Variants in PPM1H observed in about 807,000 individuals in gnomAD.
PPM1H encodes protein phosphatase, Mg2+/Mn2+ dependent 1H.
In PPM1H, 27 loss-of-function variants were observed where a neutral mutation model predicts 54.9. That is an observed-to-expected ratio of 0.49 (90% confidence interval 0.36 to 0.68). PPM1H has a LOEUF of 0.68. Ranked by LOEUF, PPM1H falls within the 30% of genes least tolerant of loss-of-function variation. The probability of loss-of-function intolerance (pLI) is 0.00; values close to 1 mark genes in which losing one functional copy is unlikely to be tolerated. For missense variants in PPM1H, 596 were observed against 667.8 expected (o/e 0.89, Z 1.19); for synonymous variants, 305 against 270.8 (o/e 1.13, Z -1.24).
chr12:62,734,043 T>C (rs2076337882), intron 5 of PPM1H, among the ~76,000 whole-genome samples: 1 of 151,982 alleles, frequency 6.6e-6, no homozygotes, highest in Non-Finnish European at 1.5e-5. Flanking sequence ...GGGAAGTGAT[T>C]AGGTCATGAG....
intron 4 of PPM1H, among the ~76,000 whole-genome samples, chr12:62,756,638 C>T (rs115086852): frequency 0.014 from 2,108 of 151,692 alleles, 43 homozygotes; most frequent in African/African-American, 0.047. Context: ...GAGCTGGTGA[C>T]ATTTGGGAAT....
Position 62,661,431 on chromosome 12 carries a change from C to T in PPM1H, c.1397+5747G>A, listed in dbSNP as rs548516397. Among the ~76,000 whole-genome samples the T allele has an allele frequency of 4.3e-3, 659 of 152,304 alleles. 4 individuals are homozygous for T. Among genetic ancestry groups the T allele is most frequent in the Non-Finnish European group, 6.3e-3 (431 of 68,036 alleles). On this transcript the variant is annotated intron_variant, in intron 9 of 9. Coordinates refer to ENST00000228705, the MANE Select transcript of PPM1H (RefSeq NM_020700.2). ...TTTTTTATTTTTTGAGACAGGGTCT[C>T]GCTCTGTTGCCCAGGCTGGAGTGCA...
chr12:62,864,293 C>T (rs1207380230), intron 1 of PPM1H, among the ~76,000 whole-genome samples: 1 of 152,186 alleles, frequency 6.6e-6, no homozygotes. Flanking sequence ...TTGGGTATGG[C>T]ATTACTGTTG....
chr12:62,909,828 C>T (rs1459172449), intron 1 of PPM1H, among the ~76,000 whole-genome samples: 1 of 152,222 alleles, frequency 6.6e-6, no homozygotes, highest in Admixed American at 6.5e-5. Context: ...ATCACCTTCG[C>T]ACGTGGCAGT....
intron 4 of PPM1H, among the ~76,000 whole-genome samples, chr12:62,745,797 AAAGTAT>A (rs2076407034): frequency 6.6e-6 from 1 of 151,248 alleles, no homozygotes; most frequent in South Asian, 2.1e-4. Context: ...ATTCAAAATA[AAAGTAT>A]AAGAAGAGGT....
At chr12:62,779,774 C>A (rs1246721649) in intron 4 of PPM1H, among the ~76,000 whole-genome samples, 3 of 152,214 alleles carry the variant, frequency 2.0e-5, no homozygotes, top group Non-Finnish European at 4.4e-5. Flanking sequence ...CACTTCTATC[C>A]CAGGCTCATG....
At chr12:62,773,501 T>C (rs1422084411) in intron 4 of PPM1H, among the ~76,000 whole-genome samples, 2 of 152,080 alleles carry the variant, frequency 1.3e-5, no homozygotes, top group Non-Finnish European at 2.9e-5. Flanking sequence ...TAAAAATTTT[T>C]TTGAAAAATA....
At chr12:62,881,995 C>A (rs1870413382) in intron 1 of PPM1H, among the ~76,000 whole-genome samples, 2 of 152,192 alleles carry the variant, frequency 1.3e-5, no homozygotes, top group Admixed American at 6.5e-5. Flanking sequence ...TCTAGACTAT[C>A]AGGGTTTTGT....
At chr12:62,895,556 T>C (rs771522890) in intron 1 of PPM1H, among the ~76,000 whole-genome samples, 1 of 152,158 alleles carries the variant, frequency 6.6e-6, no homozygotes, top group South Asian at 2.1e-4. Flanking sequence ...CCAAGTCTCA[T>C]ATTGAAATCT....
At chr12:62,691,928 G>A (rs970436280) in intron 7 of PPM1H, among the ~76,000 whole-genome samples, 1 of 152,026 alleles carries the variant, frequency 6.6e-6, no homozygotes, top group South Asian at 2.1e-4. Context: ...AAAATTCTGA[G>A]TCCCTTGTGG....
intron 2 of PPM1H, among the ~76,000 whole-genome samples, chr12:62,818,461 T>G (rs2076883326): frequency 6.6e-6 from 1 of 150,474 alleles, no homozygotes; most frequent in South Asian, 2.1e-4. Flanking sequence ...TCTGTGGGAA[T>G]CAGGAGGCCA....
At chr12:62,674,065 AC>A (rs1362053604) in intron 8 of PPM1H, among the ~76,000 whole-genome samples, 3 of 152,056 alleles carry the variant, frequency 2.0e-5, no homozygotes, top group African/African-American at 4.8e-5. Context: ...AAACTGAAAA[AC>A]ACAAGAAAAA....
chr12:62,654,594 G>GTACTT (rs1389881230), intron 9 of PPM1H, among the ~76,000 whole-genome samples: 4 of 152,168 alleles, frequency 2.6e-5, no homozygotes, highest in African/African-American at 9.7e-5. Flanking sequence ...TCTTCCAAAT[G>GTACTT]TACTTTACTT....
chr12:62,658,415 T>C (rs1400837212), intron 9 of PPM1H, among the ~76,000 whole-genome samples: 1 of 152,060 alleles, frequency 6.6e-6, no homozygotes, highest in Non-Finnish European at 1.5e-5. Flanking sequence ...TCTGACAAAA[T>C]GGTAAGCGTC....
intron 2 of PPM1H, 27 bp from the exon 3 acceptor site, chr12:62,802,187 T>G (rs2120748780): frequency 1.3e-6 from 2 of 1,512,710 alleles, no homozygotes. Flanking sequence ...CAGGGAGGAG[T>G]GAGAACGGCT....
intron 6 of PPM1H, among the ~76,000 whole-genome samples, chr12:62,697,438 G>A (rs2120361986): frequency 6.6e-6 from 1 of 152,246 alleles, no homozygotes; most frequent in Non-Finnish European, 1.5e-5. Flanking sequence ...CATCTCGCCA[G>A]CAATGAGTGA....
chr12:62,756,599 T>C (rs566514082), intron 4 of PPM1H, among the ~76,000 whole-genome samples: 1 of 152,148 alleles, frequency 6.6e-6, no homozygotes, highest in Non-Finnish European at 1.5e-5. Context: ...AAAGAGGTGG[T>C]CCAGGCCAGG....
At chr12:62,837,839 C>T (rs1333564530) in intron 1 of PPM1H, among the ~76,000 whole-genome samples, 1 of 152,204 alleles carries the variant, frequency 6.6e-6, no homozygotes, top group African/African-American at 2.4e-5. Flanking sequence ...GGAGCATCTC[C>T]TCCTTTCTAC....
chr12:62,663,024 T>C (rs1370680566), intron 9 of PPM1H, among the ~76,000 whole-genome samples: 1 of 152,206 alleles, frequency 6.6e-6, no homozygotes, highest in Non-Finnish European at 1.5e-5. Flanking sequence ...CATTATGTTT[T>C]TGAGATTCTT....
Sources: allele counts gnomAD v4.1 joint callset (sites outside exome capture counted in the v4.1 genomes callset), GRCh38; gene constraint gnomAD v4.1.1; transcripts MANE v1.5; gene names NCBI Gene and HGNC (gene_info 2026-07-23, HGNC 2026-07-21).